The following MAGI2 variants were observed in gnomAD, a reference collection of about 807,000 sequenced individuals.
MAGI2 encodes membrane associated guanylate kinase, WW and PDZ domain containing 2.
MAGI2 carries 35 observed loss-of-function variants against 133.3 expected under a neutral mutation model. The ratio of observed to expected loss-of-function variants is 0.26; its 90% CI spans 0.20 to 0.35. The LOEUF is 0.35. MAGI2 is among the 10% of genes least tolerant of loss of function. The pLI, the probability that MAGI2 is intolerant of heterozygous loss-of-function variation, is 1.00. For synonymous variants in MAGI2, 729 were observed against 710.6 expected, an observed-to-expected ratio of 1.03 and a Z score of -0.41; for missense variants, 1,636 against 1,863.4, an observed-to-expected ratio of 0.88 and a Z score of 2.25.
intron 12 of MAGI2, among the ~76,000 whole-genome samples, chr7:78,193,267 AG>A (rs1828407413): frequency 6.6e-6 from 1 of 152,230 alleles, no homozygotes; most frequent in South Asian, 2.1e-4. Flanking sequence ...AGAGGCAAAA[AG>A]CAGGAGGAAG....
Position 78,546,452 on chromosome 7 carries a change from A to C in MAGI2, c.539-24807T>G, listed in dbSNP as rs141493084. Among the ~76,000 whole-genome samples the C allele has an allele frequency of 3.3e-3, 496 of 152,294 alleles. 4 individuals carry two copies. Among genetic ancestry groups the C allele is most frequent in the African/African-American group, 0.011 (472 of 41,554 alleles). On this transcript the variant is annotated intron_variant, in intron 3 of 21. Coordinates refer to ENST00000354212, the MANE Select transcript of MAGI2 (RefSeq NM_012301.4). ...AAAACATAATACTCTAAATTAAAGAAAAGCATAAGAAAGATAGACAAGCCT... is the reference window on the plus strand; with the variant it reads ...AAAACATAATACTCTAAATTAAAGACAAGCATAAGAAAGATAGACAAGCCT...
chr7:78,624,431 T>C (rs1808099016), intron 3 of MAGI2, among the ~76,000 whole-genome samples: 1 of 152,212 alleles, frequency 6.6e-6, no homozygotes, highest in Middle Eastern at 3.4e-3. Flanking sequence ...ATAAAGAAAA[T>C]GTGGTACATA....
In MAGI2 at chr7:79,394,276, A is replaced by G. The variant is rs140381549; in HGVS notation, c.301+58744T>C. ...GAGCCCCTATGCTTAGAGCCCATGA[A>G]TTTATGCCAGTCTCAACTGGAAAAA... On this transcript the variant is annotated intron_variant, in intron 1 of 21. Coordinates refer to ENST00000354212, the MANE Select transcript of MAGI2 (RefSeq NM_012301.4). 5.7e-3 allele frequency among the ~76,000 whole-genome samples: 864 copies of G among 152,284 alleles called. 5 individuals are homozygous for G. The highest frequency in any genetic ancestry group is 0.019 in the African/African-American group (810 of 41,566).
At chr7:78,275,343 C>T (rs1194587890) in intron 9 of MAGI2, among the ~76,000 whole-genome samples, 1 of 152,232 alleles carries the variant, frequency 6.6e-6, no homozygotes, top group African/African-American at 2.4e-5. Flanking sequence ...AATCACCTGC[C>T]TCGATCTCGC....
chr7:79,078,069 TA>T (rs1241289193), intron 1 of MAGI2, among the ~76,000 whole-genome samples: 1 of 152,248 alleles, frequency 6.6e-6, no homozygotes, highest in Admixed American at 6.5e-5. Context: ...TGTATTCTGA[TA>T]AGACCTTATC....
At chr7:79,208,353 C>T (rs1829235589) in intron 1 of MAGI2, among the ~76,000 whole-genome samples, 1 of 151,446 alleles carries the variant, frequency 6.6e-6, no homozygotes, top group South Asian at 2.1e-4. Context: ...AAGAAACAAA[C>T]AAAAAACCAA....
chr7:78,967,371 C>T (rs1007479048), intron 2 of MAGI2, among the ~76,000 whole-genome samples: 3 of 152,112 alleles, frequency 2.0e-5, no homozygotes. Context: ...GGATATATGG[C>T]TTGCATGCAT....
At position 79,430,898 on chromosome 7, in the gene MAGI2, A is replaced by C. The variant is rs2129186660; in HGVS notation, c.301+22122T>G. 2.0e-5 allele frequency among the ~76,000 whole-genome samples: 3 copies of C among 152,346 alleles called. No homozygotes were observed. The East Asian group carries it at 5.8e-4, about 29-fold the overall frequency. On this transcript the variant is annotated intron_variant, in intron 1 of 21. Transcript: ENST00000354212. ...GGGTTTTCGTCTGCAATGCCAAAGAAGACCAAAATCAATATCAAATTGCTA... is the reference window on the plus strand; with the variant it reads ...GGGTTTTCGTCTGCAATGCCAAAGACGACCAAAATCAATATCAAATTGCTA...
chr7:78,477,598 G>C (rs1277282440), intron 6 of MAGI2, among the ~76,000 whole-genome samples: 5 of 151,718 alleles, frequency 3.3e-5, no homozygotes, highest in African/African-American at 1.2e-4. Flanking sequence ...GCTCGTGCAG[G>C]GGAACTCCCA....
intron 2 of MAGI2, among the ~76,000 whole-genome samples, chr7:78,656,856 T>C (rs1000594930): frequency 3.3e-5 from 5 of 151,872 alleles, no homozygotes; most frequent in African/African-American, 1.2e-4. Flanking sequence ...CAAAAAACAC[T>C]GTCAAGAGGA....
chr7:79,310,708 T>C (rs2129560607), intron 1 of MAGI2, among the ~76,000 whole-genome samples: 1 of 152,164 alleles, frequency 6.6e-6, no homozygotes, highest in East Asian at 1.9e-4. Flanking sequence ...CCACAGAACA[T>C]ATATCTATTC....
At chr7:79,363,686 A>C (rs1842507563) in intron 1 of MAGI2, among the ~76,000 whole-genome samples, 1 of 121,702 alleles carries the variant, frequency 8.2e-6, no homozygotes. Flanking sequence ...CTGGCACAAA[A>C]CTGAAAATTA....
chr7:78,771,691 T>C (rs555299086), intron 2 of MAGI2, among the ~76,000 whole-genome samples: 6 of 152,244 alleles, frequency 3.9e-5, no homozygotes, highest in African/African-American at 1.4e-4. Flanking sequence ...TTACACACTT[T>C]TTCAAATTGG....
chr7:78,173,694 C>T (rs550698255), intron 14 of MAGI2, among the ~76,000 whole-genome samples: 2 of 152,254 alleles, frequency 1.3e-5, no homozygotes, highest in South Asian at 4.1e-4. Flanking sequence ...TGGTTGAAGG[C>T]TCAATTGGCA....
intron 3 of MAGI2, among the ~76,000 whole-genome samples, chr7:78,582,128 T>C (rs1286712560): frequency 6.6e-6 from 1 of 152,218 alleles, no homozygotes; most frequent in Non-Finnish European, 1.5e-5. Context: ...TTGAGTAGTG[T>C]GTCCTGAACC....
rs561983627 is a variant in MAGI2, at chr7:78,272,972, A to G, written c.1409-16391T>C. On this transcript the variant is annotated intron_variant, in intron 9 of 21. Coordinates refer to ENST00000354212, the MANE Select transcript of MAGI2 (RefSeq NM_012301.4). ...GTTAATATTGTTATGTATGAATTTG[A>G]TCCTGTCATTATGATGCTAGCTGGT... is the stretch of plus-strand genomic sequence containing the variant. Among the ~76,000 whole-genome samples the G allele has an allele frequency of 3.3e-5, 5 of 152,224 alleles. No homozygotes were observed. The South Asian group carries it at 1.0e-3, about 32-fold the overall frequency.
chr7:79,218,196 A>C (rs759552142), intron 1 of MAGI2, among the ~76,000 whole-genome samples: 4 of 152,000 alleles, frequency 2.6e-5, no homozygotes. Context: ...CTGGGACTGC[A>C]TGAATACTTT....
chr7:78,884,242 C>T (rs1796098685), intron 2 of MAGI2, among the ~76,000 whole-genome samples: 1 of 152,080 alleles, frequency 6.6e-6, no homozygotes, highest in African/African-American at 2.4e-5. Flanking sequence ...TTTTGGGAGG[C>T]AAAGGCAAGA....
Position 78,651,442 on chromosome 7 carries a change from C to T in MAGI2, c.419-24203G>A, listed in dbSNP as rs545565977. Among the ~76,000 whole-genome samples, 32 of 152,074 alleles carry T rather than the reference C, an allele frequency of 2.1e-4. 1 individual carries two copies. The South Asian group carries it at 6.4e-3, about 31-fold the overall frequency. ...TCTTTCAGCGCACCCACTGAAGCAC[C>T]CCCTGTGCTTTGTTTTTAGCTCCCT... On this transcript the variant is annotated intron_variant, in intron 2 of 21. Transcript: ENST00000354212.
Sources: allele counts gnomAD v4.1 joint callset (sites outside exome capture counted in the v4.1 genomes callset), GRCh38; gene constraint gnomAD v4.1.1; transcripts MANE v1.5; gene names NCBI Gene and HGNC (gene_info 2026-07-23, HGNC 2026-07-21).